Variants in AMHR2 observed in about 807,000 individuals in gnomAD.
AMHR2 encodes the protein anti-Mullerian hormone receptor type 2.
A neutral mutation model predicts 61.4 loss-of-function variants in AMHR2; 36 were observed. The observed-to-expected ratio is 0.59, with a 90% CI of 0.45 to 0.77. AMHR2 has a LOEUF of 0.77. AMHR2 is among the 30% of genes least tolerant of loss of function. The pLI is 0.00. For synonymous variants in AMHR2, 258 were observed against 279.4 expected (o/e 0.92, Z 0.76); for missense variants, 638 against 714.6 (o/e 0.89, Z 1.22).
At chr12:53,429,425 G>C in intron 7 of AMHR2, 28 bp from the exon 8 acceptor site, 1 of 1,593,540 alleles carries the variant, frequency 6.3e-7, no homozygotes, top group South Asian at 1.1e-5. Flanking sequence ...GAAAATCCAT[G>C]TTCCTTCAAC....
chr12:53,425,671 GCA>G lies in AMHR2; in HGVS notation c.622-15_622-14del. Reference sequence around the variant, plus strand: ...GTTATAGCTCAGAGGCCCACACTCAGCACAGTGTCCCCAGCAGGTAATCCGGG... The same window carrying G: ...GTTATAGCTCAGAGGCCCACACTCAGCAGTGTCCCCAGCAGGTAATCCGGG... On this transcript the variant is annotated splice_polypyrimidine_tract_variant and intron_variant, in intron 5 of 10. Coordinates refer to ENST00000257863, the MANE Select transcript of AMHR2 (RefSeq NM_020547.3). 1.9e-6 allele frequency: 3 copies of G among 1,613,812 alleles called. No homozygotes were observed. Among genetic ancestry groups the G allele is most frequent in the Non-Finnish European group, 2.5e-6 (3 of 1,179,836 alleles).
In AMHR2 at chr12:53,426,020, G is replaced by A. The variant is rs746197350; in HGVS notation, c.852+101G>A. On this transcript the variant is annotated intron_variant, in intron 6 of 10. Coordinates refer to ENST00000257863, the MANE Select transcript of AMHR2 (RefSeq NM_020547.3). ...GGCCCTGTTGATTGCTTCTGCTTTC[G>A]ATTTTCTCTTTTCTAAAACATTAAA... 7.4e-6 allele frequency: 9 copies of A among 1,209,618 alleles called. No homozygotes were observed. The East Asian group carries it at 1.7e-4, about 23-fold the overall frequency. The allele number at this position is 1,209,618 out of a possible 1,614,324, so 74.9% of individuals were successfully genotyped here.
At chr12:53,425,662 C>A in intron 5 of AMHR2, 27 bp from the exon 6 acceptor site, 1 of 1,613,362 alleles carries the variant, frequency 6.2e-7, no homozygotes, top group Non-Finnish European at 8.5e-7. Context: ...GCTCAGAGGC[C>A]CACACTCAGC....
At chr12:53,426,000 T>C in intron 6 of AMHR2, 81 bp downstream of exon 6, 1 of 1,343,602 alleles carries the variant, frequency 7.4e-7, no homozygotes, top group Non-Finnish European at 1.0e-6. Context: ...AGCTGGGCCC[T>C]GTTGATTGCT....
chr12:53,430,338 CT>C, intron 10 of AMHR2, 56 bp downstream of exon 10: 1 of 1,613,294 alleles, frequency 6.2e-7, no homozygotes, highest in Non-Finnish European at 8.5e-7. Flanking sequence ...TGGGCATGGG[CT>C]TCAAGGACGT....
chr12:53,425,984 C>T (rs1027570794), intron 6 of AMHR2, 65 bp downstream of exon 6: 4 of 1,472,782 alleles, frequency 2.7e-6, no homozygotes, highest in Non-Finnish European at 3.8e-6. Context: ...GTGGGGGCTA[C>T]ATGGCAGCTG....
chr12:53,429,455 CA>C lies in AMHR2; in HGVS notation c.972del (p.Gln324HisfsTer11). 1 of 1,611,626 alleles carries C rather than the reference CA, an allele frequency of 6.2e-7. No homozygotes were observed. The highest frequency in any genetic ancestry group is 8.5e-7 in the Non-Finnish European group (1 of 1,179,820). Reference sequence around the variant, plus strand: ...TTCAACCTTGGATTCCCCCACAGGCCAATATAAACCAGGTATTGCCCACCGA... The same window carrying C: ...TTCAACCTTGGATTCCCCCACAGGCCATATAAACCAGGTATTGCCCACCGA... Reference protein sequence around the residue: ...FLHEERWQNGQYKPGIAHRDL... With the variant: ...FLHEERWQNGXYKPGIAHRDL... On this transcript the variant is annotated frameshift_variant, in exon 8 of 11. Coordinates refer to ENST00000257863, the MANE Select transcript of AMHR2 (RefSeq NM_020547.3). LOFTEE classifies it high-confidence loss of function.
At position 53,425,919 on chromosome 12, in the gene AMHR2, G is replaced by T; in HGVS notation, c.852G>T (p.Lys284Asn). 6.2e-7 allele frequency: 1 copy of T among 1,613,640 alleles called. No homozygotes were observed. Among genetic ancestry groups the T allele is most frequent in the Non-Finnish European group, 8.5e-7 (1 of 1,179,806 alleles). The change falls in exon 6 of 11, where the codon AAG becomes AAT. Residue 284 changes from lysine to asparagine, a missense_variant and splice_region_variant. Coordinates refer to ENST00000257863, the MANE Select transcript of AMHR2 (RefSeq NM_020547.3). ...TGCTGGTACTGGAACTGCATCCCAA[G>T]GTGAGCACCAAGGAGTGTATATGTG... ...GPLLVLELHP[K>N]GSLCHYLTQY...
In AMHR2 at chr12:53,425,853, T is replaced by A; in HGVS notation, c.786T>A (p.Thr262=). 1 of 1,614,102 alleles carries A rather than the reference T, an allele frequency of 6.2e-7. No homozygotes were observed. The highest frequency in any genetic ancestry group is 8.5e-7 in the Non-Finnish European group (1 of 1,179,998). The change falls in exon 6 of 11, where the codon ACT becomes ACA. Residue 262 remains threonine, a synonymous_variant. Coordinates refer to ENST00000257863, the MANE Select transcript of AMHR2 (RefSeq NM_020547.3). ...ACGACCACATTGTCCGATTTATCAC[T>A]GCCAGCCGGGGGGGTCCTGGCCGCC... ...LQHDHIVRFI[T]ASRGGPGRLL... is the part of the protein sequence containing the mutation.
intron 6 of AMHR2, among the ~76,000 whole-genome samples, chr12:53,427,507 G>A (rs1939717419): frequency 6.6e-6 from 1 of 152,148 alleles, no homozygotes; most frequent in African/African-American, 2.4e-5. Context: ...CTGGTTTCAA[G>A]CAATTCTGCC....
chr12:53,424,570 C>G (rs779734033), intron 2 of AMHR2, 100 bp downstream of exon 2: 10 of 1,553,558 alleles, frequency 6.4e-6, no homozygotes, highest in Non-Finnish European at 8.8e-6. Flanking sequence ...AATAGAACAT[C>G]TGGTGGGAAA....
chr12:53,424,699 A>C lies in AMHR2; in HGVS notation c.233-10A>C. ...CTTTCTCTCCTCTTCCCCTAATCCC[A>C]TCCCATCAGGATGCCGAGACAGTGA... On this transcript the variant is annotated splice_polypyrimidine_tract_variant and intron_variant, in intron 2 of 10. Transcript: ENST00000257863. 1 of 1,612,602 alleles carries C rather than the reference A, an allele frequency of 6.2e-7. No homozygotes were observed. The highest frequency in any genetic ancestry group is 8.5e-7 in the Non-Finnish European group (1 of 1,179,264).
rs187169145 is a variant in AMHR2 at position 53,424,224 on chromosome 12, C to T, written c.50-64C>T. On this transcript the variant is annotated intron_variant, in intron 1 of 10. Coordinates refer to ENST00000257863, the MANE Select transcript of AMHR2 (RefSeq NM_020547.3). The stretch of plus-strand genomic sequence containing the variant: ...AACATGTTTTGTCTATTCTTTTGGC[C>T]AGTTTTTTGCCTCTGCATTCACTCC... 47 of 1,597,826 alleles carry T rather than the reference C, an allele frequency of 2.9e-5. No homozygotes were observed. In the East Asian group the frequency reaches 8.7e-4, roughly 30 times the overall value.
In AMHR2 at chr12:53,429,447, C is replaced by T; in HGVS notation, c.968-6C>T. On this transcript the variant is annotated splice_region_variant and splice_polypyrimidine_tract_variant and intron_variant, in intron 7 of 10. Transcript: ENST00000257863. ...CATGTTCCTTCAACCTTGGATTCCC[C>T]CACAGGCCAATATAAACCAGGTATT... The T allele has an allele frequency of 6.2e-7, 1 of 1,611,380 alleles. No homozygotes were observed.
chr12:53,425,294 G>C, intron 4 of AMHR2, 52 bp downstream of exon 4: 1 of 1,609,990 alleles, frequency 6.2e-7, no homozygotes, highest in Non-Finnish European at 8.5e-7. Context: ...TGCCCCAAAA[G>C]CTCTGACCCC....
At chr12:53,424,940 G>C in intron 3 of AMHR2, 40 bp downstream of exon 3, 1 of 1,593,526 alleles carries the variant, frequency 6.3e-7, no homozygotes, top group Non-Finnish European at 8.5e-7. Flanking sequence ...GGGGGCTGGG[G>C]CCCAGGTTAG....
At position 53,425,395 on chromosome 12, in the gene AMHR2, A is replaced by C. The variant is rs1939476582; in HGVS notation, c.503-60A>C. 5 of 1,606,984 alleles carry C rather than the reference A, an allele frequency of 3.1e-6. No homozygotes were observed. The South Asian group carries it at 5.5e-5, about 18-fold the overall frequency. On this transcript the variant is annotated intron_variant, in intron 4 of 10. Coordinates refer to ENST00000257863, the MANE Select transcript of AMHR2 (RefSeq NM_020547.3). ...CTCTCACAAAGCTCCCTTTCCACGA[A>C]GTCCCTTTTCCTGTCCCTATGCATT...
At chr12:53,430,880 A>G in intron 10 of AMHR2, 2 of 492,618 alleles carry the variant, frequency 4.1e-6, no homozygotes, top group Admixed American at 3.3e-5. Flanking sequence ...TACTTGCAGA[A>G]GACTCTGGCT....
In AMHR2 at chr12:53,431,177, G is replaced by A; in HGVS notation, c.1426G>A (p.Asp476Asn). The change falls in exon 11 of 11, where the codon GAC becomes AAC. Residue 476 changes from aspartate to asparagine, a missense_variant and splice_region_variant. Asp to Asn is a conservative substitution (Grantham distance 23, BLOSUM62 1). Transcript: ENST00000257863. The part of the protein sequence containing the change: ...IPSTWRCFAT[D>N]PDGLRELLED... ...CCTTCCTCCCTGTCATTCCCCCCAGGACCCTGATGGGCTGAGGGAGCTCCT... is the reference window on the plus strand; with the variant it reads ...CCTTCCTCCCTGTCATTCCCCCCAGAACCCTGATGGGCTGAGGGAGCTCCT... 2 of 1,614,092 alleles carry A rather than the reference G, an allele frequency of 1.2e-6. No individual in the cohort carries two copies. Among genetic ancestry groups the A allele is most frequent in the South Asian group, 2.2e-5 (2 of 91,078 alleles).
Sources: gnomAD v4.1 joint callset for allele counts (sites outside exome capture counted in the v4.1 genomes callset) on GRCh38, gnomAD v4.1.1 for gene constraint, MANE v1.5 for transcripts, NCBI Gene and HGNC (gene_info 2026-07-23, HGNC 2026-07-21) for gene names.